The following AKAP6 variants were observed in gnomAD, a reference collection of about 807,000 sequenced individuals.
AKAP6 encodes A-kinase anchoring protein 6.
In AKAP6, 58 loss-of-function variants were observed where a neutral mutation model predicts 188.5. The ratio of observed to expected loss-of-function variants is 0.31; its 90% CI spans 0.25 to 0.38. The LOEUF is 0.38. Among genes scored for constraint, AKAP6 ranks in the 10% least tolerant of loss-of-function variants. The pLI is 1.00. For missense variants in AKAP6, 2,710 were observed against 2,740.0 expected (o/e 0.99, Z 0.24); for synonymous variants, 989 against 998.6 (o/e 0.99, Z 0.18).
chr14:32,428,370 A>T (rs562127634), intron 1 of AKAP6, among the ~76,000 whole-genome samples: 1 of 152,272 alleles, frequency 6.6e-6, no homozygotes, highest in Admixed American at 6.5e-5. Context: ...ACTGCATAGC[A>T]GCCCTCTCTG....
intron 11 of AKAP6, among the ~76,000 whole-genome samples, chr14:32,737,240 A>G (rs1234693689): frequency 6.6e-6 from 1 of 152,122 alleles, no homozygotes; most frequent in East Asian, 1.9e-4. Flanking sequence ...GGGATCTAGC[A>G]TAATGGCACC....
chr14:32,364,890 A>G (rs1290150952), intron 1 of AKAP6, among the ~76,000 whole-genome samples: 1 of 152,188 alleles, frequency 6.6e-6, no homozygotes, highest in Non-Finnish European at 1.5e-5. Context: ...TGATTCTGGA[A>G]TCAGGCATGT....
chr14:32,547,007 G>A lies in AKAP6; in HGVS notation c.2346+8G>A. ...ATATGGGAAAAAATAGAGGTAAGGT[G>A]GTTTTCTTAACATGAATGATTTCTC... On this transcript the variant is annotated splice_region_variant and intron_variant, in intron 4 of 13. Transcript: ENST00000280979. 6.3e-7 allele frequency: 1 copy of A among 1,578,700 alleles called. No homozygotes were observed. Among genetic ancestry groups the A allele is most frequent in the Non-Finnish European group, 8.5e-7 (1 of 1,170,264 alleles).
At chr14:32,713,735 C>T (rs1248051284) in intron 9 of AKAP6, among the ~76,000 whole-genome samples, 1 of 152,052 alleles carries the variant, frequency 6.6e-6, no homozygotes, top group Non-Finnish European at 1.5e-5. Context: ...GGGCCTTCCT[C>T]TGAATTAGGT....
chr14:32,646,737 A>G (rs1308702990), intron 7 of AKAP6, among the ~76,000 whole-genome samples: 1 of 152,136 alleles, frequency 6.6e-6, no homozygotes, highest in Non-Finnish European at 1.5e-5. Flanking sequence ...TTGAACTGAT[A>G]TAAAATTCTA....
At chr14:32,436,466 A>G (rs1188793169) in intron 2 of AKAP6, among the ~76,000 whole-genome samples, 4 of 152,156 alleles carry the variant, frequency 2.6e-5, no homozygotes, top group Admixed American at 6.6e-5. Flanking sequence ...AAGTCCTGGG[A>G]ATCCATCTCC....
chr14:32,348,417 C>CTTTTTTTTTTTTTTTT (rs71115063), intron 1 of AKAP6, among the ~76,000 whole-genome samples: 3 of 126,150 alleles, frequency 2.4e-5, no homozygotes, highest in African/African-American at 6.2e-5. Context: ...TCTTTTGTTT[C>CTTTTTTTTTTTTTTTT]TTTTTTTTTT....
chr14:32,637,797 C>CA (rs1477560280), intron 7 of AKAP6, among the ~76,000 whole-genome samples: 1 of 151,806 alleles, frequency 6.6e-6, no homozygotes, highest in Admixed American at 6.6e-5. Context: ...CTAGATATGG[C>CA]AAAAATATGA....
intron 4 of AKAP6, among the ~76,000 whole-genome samples, chr14:32,549,569 C>A (rs1196739226): frequency 6.6e-6 from 1 of 152,150 alleles, no homozygotes; most frequent in Non-Finnish European, 1.5e-5. Context: ...CACGCCAAGG[C>A]AATTAGAATT....
chr14:32,482,295 A>C (rs1879392847), intron 2 of AKAP6, among the ~76,000 whole-genome samples: 1 of 152,180 alleles, frequency 6.6e-6, no homozygotes, highest in African/African-American at 2.4e-5. Flanking sequence ...ATTTCTGGCT[A>C]CATCTCCTAT....
chr14:32,419,742 T>C (rs892305516), intron 1 of AKAP6, among the ~76,000 whole-genome samples: 3 of 152,052 alleles, frequency 2.0e-5, no homozygotes, highest in Non-Finnish European at 4.4e-5. Flanking sequence ...ACCTCATTAT[T>C]GATTTGAGTC....
At chr14:32,788,557 C>T (rs900172749) in intron 12 of AKAP6, among the ~76,000 whole-genome samples, 2 of 152,144 alleles carry the variant, frequency 1.3e-5, no homozygotes, top group Non-Finnish European at 2.9e-5. Flanking sequence ...GGGAGTGGCA[C>T]GGAGCGAAAG....
intron 7 of AKAP6, among the ~76,000 whole-genome samples, chr14:32,625,069 A>G (rs984599700): frequency 1.3e-5 from 2 of 152,070 alleles, no homozygotes; most frequent in African/African-American, 4.8e-5. Flanking sequence ...AATTATTATA[A>G]GTTTGTTTTC....
intron 11 of AKAP6, among the ~76,000 whole-genome samples, chr14:32,770,224 G>A (rs531796017): frequency 1.3e-5 from 2 of 152,128 alleles, no homozygotes; most frequent in South Asian, 4.1e-4. Context: ...CTTATAATGT[G>A]GATCGGAGAT....
chr14:32,584,639 C>T (rs1199887579), intron 5 of AKAP6, among the ~76,000 whole-genome samples: 2 of 152,172 alleles, frequency 1.3e-5, no homozygotes, highest in Admixed American at 6.5e-5. Context: ...CCTCCTACCC[C>T]TCCCTGGCCT....
chr14:32,777,383 TCA>T (rs1408170118), intron 12 of AKAP6, among the ~76,000 whole-genome samples: 1 of 152,212 alleles, frequency 6.6e-6, no homozygotes, highest in Admixed American at 6.5e-5. Flanking sequence ...TCCAGAAATG[TCA>T]CAGAGTATAG....
At chr14:32,593,699 AT>A (rs1203311182) in intron 5 of AKAP6, among the ~76,000 whole-genome samples, 2 of 152,176 alleles carry the variant, frequency 1.3e-5, no homozygotes, top group Non-Finnish European at 2.9e-5. Flanking sequence ...GCTGGAAAAT[AT>A]TGAGTCCAAA....
At chr14:32,360,620 A>G (rs1887624348) in intron 1 of AKAP6, among the ~76,000 whole-genome samples, 2 of 151,838 alleles carry the variant, frequency 1.3e-5, no homozygotes, top group Non-Finnish European at 2.9e-5. Flanking sequence ...GTATAGGCTC[A>G]CGGATATTTA....
chr14:32,546,674 T>A lies in AKAP6; in HGVS notation c.2021T>A (p.Met674Lys). 1 of 1,614,166 alleles carries A rather than the reference T, an allele frequency of 6.2e-7. No individual in the cohort carries two copies. Among genetic ancestry groups the A allele is most frequent in the Non-Finnish European group, 8.5e-7 (1 of 1,180,024 alleles). ...ATTGATGACTGGGAACTGTCTGAAA[T>A]GAATTCAGATTCTGAAATCTATCCA... Reference protein sequence around the residue: ...QNIDDWELSEMNSDSEIYPTY... With the variant: ...QNIDDWELSEKNSDSEIYPTY... The change falls in exon 4 of 14, where the codon ATG becomes AAG. Residue 674 changes from methionine (M) to lysine (K), a missense_variant. Met to Lys is a moderately conservative substitution (Grantham distance 95). Around this residue, in one of 2 missense-constraint regions of AKAP6, gnomAD observed 2,473 missense variants for 2,426.1 expected, o/e 1.02. Coordinates refer to ENST00000280979, the MANE Select transcript of AKAP6 (RefSeq NM_004274.5).
Sources: gnomAD v4.1 joint callset for allele counts (sites outside exome capture counted in the v4.1 genomes callset) on GRCh38, gnomAD v4.1.1 for gene constraint, gnomAD v4.1.1 regional missense constraint, MANE v1.5 for transcripts, NCBI Gene and HGNC (gene_info 2026-07-23, HGNC 2026-07-21) for gene names.